Variants in LPAR1 observed in about 807,000 individuals in gnomAD.
LPAR1 encodes the protein LPA receptor 1.
LPAR1 carries 5 observed loss-of-function variants against 23.8 expected under a neutral mutation model. The observed-to-expected ratio is 0.21, with a 90% CI of 0.11 to 0.44. The LOEUF (loss-of-function observed/expected upper bound fraction) is 0.44. Ranked by LOEUF, LPAR1 falls within the 20% of genes least tolerant of loss-of-function variation. LPAR1 has a pLI of 0.99. For missense variants in LPAR1, 311 were observed against 482.8 expected (o/e 0.64, Z 3.33); for synonymous variants, 160 against 164.7 (o/e 0.97, Z 0.22).
At chr9:111,011,476 A>C (rs2140600881) in intron 2 of LPAR1, among the ~76,000 whole-genome samples, 1 of 152,238 alleles carries the variant, frequency 6.6e-6, no homozygotes, top group South Asian at 2.1e-4. Flanking sequence ...TAACTGAAAA[A>C]CCCATCCCTG....
chr9:110,978,869 T>G (rs2096612071), intron 2 of LPAR1, among the ~76,000 whole-genome samples: 1 of 152,182 alleles, frequency 6.6e-6, no homozygotes, highest in African/African-American at 2.4e-5. Flanking sequence ...TAAAAAAGTT[T>G]TTCCCACAGA....
chr9:111,017,910 T>G (rs144755149), intron 2 of LPAR1, among the ~76,000 whole-genome samples: 288 of 152,044 alleles, frequency 1.9e-3, no homozygotes, highest in African/African-American at 6.8e-3. Flanking sequence ...TCCCAGCTAC[T>G]AGGGAGGCTG....
intron 5 of LPAR1, among the ~76,000 whole-genome samples, chr9:110,878,469 A>G (rs537200965): frequency 6.6e-6 from 1 of 152,222 alleles, no homozygotes; most frequent in East Asian, 1.9e-4. Context: ...ACAATAATAA[A>G]CCACACCTAA....
chr9:110,971,944 G>A lies in LPAR1; in HGVS notation c.45+129C>T, dbSNP rs559676473. ...CTCACTCACAAAAGCACCATTATTCGAATACACACCAAATGATAGCGAGAG... is the reference window on the plus strand; with the variant it reads ...CTCACTCACAAAAGCACCATTATTCAAATACACACCAAATGATAGCGAGAG... On this transcript the variant is annotated intron_variant, in intron 4 of 5. Coordinates refer to ENST00000683809, the MANE Select transcript of LPAR1 (RefSeq NM_001351411.2). 3.9e-4 allele frequency: 309 copies of A among 795,278 alleles called. 1 individual carries two copies. Among genetic ancestry groups the A allele is most frequent in the South Asian group, 2.0e-3 (125 of 61,822 alleles). 49.3% of individuals were successfully genotyped at this position (795,278 alleles called of 1,614,324 possible).
intron 2 of LPAR1, among the ~76,000 whole-genome samples, chr9:110,994,747 A>G (rs922392279): frequency 2.0e-5 from 3 of 152,228 alleles, no homozygotes; most frequent in African/African-American, 4.8e-5. Context: ...ACTACTAACC[A>G]TAAGAATAGA....
intron 2 of LPAR1, among the ~76,000 whole-genome samples, chr9:110,982,838 T>G (rs928629996): frequency 8.1e-5 from 11 of 135,952 alleles, no homozygotes; most frequent in Non-Finnish European, 1.3e-4. Context: ...GAGTAGACAC[T>G]TCTACAAAAA....
intron 4 of LPAR1, among the ~76,000 whole-genome samples, chr9:110,957,633 T>C (rs1310562328): frequency 6.6e-6 from 1 of 152,110 alleles, no homozygotes; most frequent in East Asian, 1.9e-4. Context: ...TAACATCATA[T>C]TGAATAGGGA....
At chr9:110,884,057 C>T (rs2081644271) in intron 5 of LPAR1, among the ~76,000 whole-genome samples, 1 of 150,156 alleles carries the variant, frequency 6.7e-6, no homozygotes, top group South Asian at 2.1e-4. Flanking sequence ...AGTATTTAGT[C>T]TTGCAGGTGA....
chr9:110,881,423 T>C (rs1332606352), intron 5 of LPAR1, among the ~76,000 whole-genome samples: 2 of 152,184 alleles, frequency 1.3e-5, no homozygotes, highest in Admixed American at 6.5e-5. Context: ...TTTAGCTTCA[T>C]TAGACTCTCC....
chr9:110,924,238 C>CAAAAA (rs10695949), intron 5 of LPAR1, among the ~76,000 whole-genome samples: 18 of 144,066 alleles, frequency 1.2e-4, no homozygotes, highest in African/African-American at 4.3e-4. Flanking sequence ...ATTATAATAG[C>CAAAAA]AAAAAAAAAA....
chr9:110,907,710 T>C (rs1588253000), intron 5 of LPAR1, among the ~76,000 whole-genome samples: 1 of 152,316 alleles, frequency 6.6e-6, no homozygotes, highest in Non-Finnish European at 1.5e-5. Flanking sequence ...TATTTCCCAA[T>C]ATATCTGTAC....
chr9:110,926,642 C>G (rs2094057305), intron 5 of LPAR1, among the ~76,000 whole-genome samples: 1 of 152,086 alleles, frequency 6.6e-6, no homozygotes, highest in African/African-American at 2.4e-5. Context: ...GTGAAACAAT[C>G]TATTTTCTTT....
chr9:110,949,018 C>T (rs2095485569), intron 4 of LPAR1, among the ~76,000 whole-genome samples: 1 of 152,010 alleles, frequency 6.6e-6, no homozygotes, highest in South Asian at 2.1e-4. Context: ...CTTAAGAAAT[C>T]ATGACTCTAG....
chr9:110,980,697 T>C (rs1357408598), intron 2 of LPAR1, among the ~76,000 whole-genome samples: 2 of 151,804 alleles, frequency 1.3e-5, no homozygotes, highest in African/African-American at 4.8e-5. Flanking sequence ...CAAAAATAAG[T>C]TCTAGTGTTC....
At chr9:111,037,036 A>T (rs186450664) in intron 1 of LPAR1, among the ~76,000 whole-genome samples, 19 of 152,232 alleles carry the variant, frequency 1.2e-4, no homozygotes, top group South Asian at 4.2e-4. Flanking sequence ...ATAACTTCTT[A>T]AAAAACTTCG....
intron 2 of LPAR1, among the ~76,000 whole-genome samples, chr9:111,009,942 G>A (rs1481172035): frequency 2.2e-5 from 3 of 135,746 alleles, no homozygotes; most frequent in Non-Finnish European, 4.8e-5. Context: ...ATTTGTTTTT[G>A]TTGTTTATAT....
chr9:110,943,735 C>T (rs2095265367), intron 4 of LPAR1, among the ~76,000 whole-genome samples: 1 of 151,948 alleles, frequency 6.6e-6, no homozygotes, highest in Non-Finnish European at 1.5e-5. Flanking sequence ...TGGTGGGCAC[C>T]TGTAATCCCA....
intron 2 of LPAR1, among the ~76,000 whole-genome samples, chr9:110,994,473 G>A (rs1262867366): frequency 8.5e-5 from 13 of 152,164 alleles, no homozygotes. Context: ...GATTTCAGTG[G>A]TTGCTTTGTG....
intron 4 of LPAR1, among the ~76,000 whole-genome samples, chr9:110,965,611 G>A (rs144667321): frequency 6.6e-6 from 1 of 152,176 alleles, no homozygotes; most frequent in Admixed American, 6.5e-5. Flanking sequence ...TTATTAAAAA[G>A]TCAGGAAACA....
Sources: allele counts gnomAD v4.1 joint callset (sites outside exome capture counted in the v4.1 genomes callset), GRCh38; gene constraint gnomAD v4.1.1; transcripts MANE v1.5; gene names NCBI Gene and HGNC (gene_info 2026-07-23, HGNC 2026-07-21).